Variants in GPR39 observed in about 807,000 individuals in gnomAD.
GPR39 encodes zinc sensing receptor.
Under a neutral mutation model 18.4 loss-of-function variants are expected in GPR39, and 23 were observed. The ratio of observed to expected loss-of-function variants is 1.25; its 90% CI spans 0.90 to 1.77. GPR39 has a LOEUF of 1.77. Among genes scored for constraint, GPR39 ranks in the 40% most tolerant of loss-of-function variants. The pLI is 0.00. For missense variants in GPR39, 647 were observed against 602.4 expected, an observed-to-expected ratio of 1.07 and a Z score of -0.78; for synonymous variants, 280 against 257.9, an observed-to-expected ratio of 1.09 and a Z score of -0.82.
intron 1 of GPR39, among the ~76,000 whole-genome samples, chr2:132,516,717 G>A (rs768598967): frequency 5.3e-5 from 8 of 152,304 alleles, no homozygotes; most frequent in South Asian, 4.1e-4. Context: ...CAGCTGGAAC[G>A]CTCTTCCTTC....
At chr2:132,633,044 T>G (rs780429617) in intron 1 of GPR39, among the ~76,000 whole-genome samples, 1 of 152,106 alleles carries the variant, frequency 6.6e-6, no homozygotes, top group Non-Finnish European at 1.5e-5. Context: ...CACTGTACAC[T>G]TTGCCTGAAG....
At chr2:132,490,061 G>A (rs989713497) in intron 1 of GPR39, among the ~76,000 whole-genome samples, 8 of 151,812 alleles carry the variant, frequency 5.3e-5, no homozygotes, top group African/African-American at 1.7e-4. Flanking sequence ...TTTCTGTCCT[G>A]CAGTCAGCAA....
chr2:132,509,323 G>A (rs1336308725), intron 1 of GPR39, among the ~76,000 whole-genome samples: 1 of 152,158 alleles, frequency 6.6e-6, no homozygotes, highest in Non-Finnish European at 1.5e-5. Flanking sequence ...GATGCACAGA[G>A]CAGGACAAAA....
intron 1 of GPR39, among the ~76,000 whole-genome samples, chr2:132,432,567 G>A (rs367566239): frequency 5.9e-5 from 9 of 152,032 alleles, no homozygotes; most frequent in South Asian, 2.1e-4. Flanking sequence ...AAAATCCTTC[G>A]CTTAATCACA....
chr2:132,644,928 T>C, intron 1 of GPR39, 173 bp from the exon 2 acceptor site: 1 of 689,534 alleles, frequency 1.5e-6, no homozygotes, highest in Non-Finnish European at 2.4e-6. Flanking sequence ...TTAAATTCTC[T>C]CTTGCTTGTG....
At chr2:132,442,092 C>A (rs1218091688) in intron 1 of GPR39, among the ~76,000 whole-genome samples, 2 of 152,202 alleles carry the variant, frequency 1.3e-5, no homozygotes, top group African/African-American at 2.4e-5. Context: ...CAAGGGATTA[C>A]ATTGGAGACC....
rs113738569 is a variant in GPR39 at position 132,532,691 on chromosome 2, A to G, written c.857-112410A>G. Among the ~76,000 whole-genome samples the G allele has an allele frequency of 1.2e-4, 18 of 152,376 alleles. 1 individual carries two copies. The highest frequency in any genetic ancestry group is 3.9e-4 in the Admixed American group (6 of 15,306). ...CCCTGGGATGCAAGGCTGTTTCAAC[A>G]TACGAAAATCAATAAACATAATCCG... On this transcript the variant is annotated intron_variant, in intron 1 of 1. Transcript: ENST00000329321.
At chr2:132,582,214 C>CCATATGCTTGCGGGGAAGA (rs1483022255) in intron 1 of GPR39, among the ~76,000 whole-genome samples, 1 of 152,154 alleles carries the variant, frequency 6.6e-6, no homozygotes, top group Non-Finnish European at 1.5e-5. Flanking sequence ...GCGATCACCT[C>CCATATGCTTGCGGGGAAGA]CATATGCTTG....
intron 1 of GPR39, among the ~76,000 whole-genome samples, chr2:132,484,136 C>T (rs777004782): frequency 1.1e-4 from 17 of 152,284 alleles, no homozygotes; most frequent in African/African-American, 4.1e-4. Context: ...TGTAGTATCA[C>T]CTTCACTCAT....
intron 1 of GPR39, among the ~76,000 whole-genome samples, chr2:132,600,008 T>A (rs558090372): frequency 9.2e-5 from 14 of 152,310 alleles, no homozygotes; most frequent in African/African-American, 3.4e-4. Flanking sequence ...CTCCACATCA[T>A]AGCTCAGTCT....
At chr2:132,505,498 CT>C (rs1679119012) in intron 1 of GPR39, among the ~76,000 whole-genome samples, 2 of 152,130 alleles carry the variant, frequency 1.3e-5, no homozygotes, top group African/African-American at 4.8e-5. Flanking sequence ...CTTAGTCCAC[CT>C]ATCTAACTCT....
intron 1 of GPR39, among the ~76,000 whole-genome samples, chr2:132,501,199 T>C (rs942136417): frequency 6.6e-6 from 1 of 152,048 alleles, no homozygotes; most frequent in Admixed American, 6.5e-5. Context: ...TTTGTGCTCT[T>C]TCAGACTTTT....
intron 1 of GPR39, among the ~76,000 whole-genome samples, chr2:132,588,497 G>A (rs1340884320): frequency 2.0e-5 from 3 of 152,214 alleles, no homozygotes; most frequent in African/African-American, 7.2e-5. Context: ...GGAGGCTGGG[G>A]GCTGACTTGA....
chr2:132,596,031 AG>A (rs1039170298), intron 1 of GPR39, among the ~76,000 whole-genome samples: 17 of 152,268 alleles, frequency 1.1e-4, no homozygotes, highest in African/African-American at 3.8e-4. Flanking sequence ...AGTTCCTCCC[AG>A]ATCACCTGAG....
intron 1 of GPR39, among the ~76,000 whole-genome samples, chr2:132,492,702 A>AATATATATACACACCATATATATATT (rs1681510559): frequency 7.1e-6 from 1 of 140,038 alleles, no homozygotes; most frequent in African/African-American, 2.7e-5. Flanking sequence ...ATATATATAT[A>AATATATATACACACCATATATATATT]ATATATATAC....
chr2:132,623,367 A>G (rs1681480448), intron 1 of GPR39, among the ~76,000 whole-genome samples: 1 of 152,178 alleles, frequency 6.6e-6, no homozygotes, highest in Admixed American at 6.5e-5. Flanking sequence ...GAAGATCTGA[A>G]AAAGAAGGGC....
chr2:132,634,530 C>T (rs886357095), intron 1 of GPR39, among the ~76,000 whole-genome samples: 8 of 152,162 alleles, frequency 5.3e-5, no homozygotes, highest in African/African-American at 1.9e-4. Context: ...CCTGTGACAA[C>T]CCAGTTGTGC....
chr2:132,472,809 A>G (rs1256899920), intron 1 of GPR39, among the ~76,000 whole-genome samples: 2 of 152,122 alleles, frequency 1.3e-5, no homozygotes, highest in Non-Finnish European at 2.9e-5. Context: ...TTAGCTTGTA[A>G]TGGAGGTCAT....
intron 1 of GPR39, among the ~76,000 whole-genome samples, chr2:132,601,254 A>G (rs1558854473): frequency 6.6e-6 from 1 of 152,194 alleles, no homozygotes; most frequent in African/African-American, 2.4e-5. Context: ...CATCAAAAAG[A>G]TAATACACCC....
Sources: allele counts gnomAD v4.1 joint callset (sites outside exome capture counted in the v4.1 genomes callset), GRCh38; gene constraint gnomAD v4.1.1; transcripts MANE v1.5; gene names NCBI Gene and HGNC (gene_info 2026-07-23, HGNC 2026-07-21).